Variants in LUZP2 observed in about 807,000 individuals in gnomAD.
LUZP2 encodes the protein leucine zipper protein 2.
LUZP2 carries 52 observed loss-of-function variants against 51.6 expected under a neutral mutation model. The observed-to-expected ratio is 1.01, with a 90% CI of 0.81 to 1.27. The LOEUF is 1.27. Ranked by LOEUF, LUZP2 falls within the 50% of genes most tolerant of loss-of-function variation. LUZP2 has a pLI of 0.00. For missense variants in LUZP2, 436 were observed against 395.4 expected (o/e 1.10, Z -0.87); for synonymous variants, 154 against 137.3 (o/e 1.12, Z -0.85).
chr11:24,817,169 T>C (rs1009538157), intron 5 of LUZP2, among the ~76,000 whole-genome samples: 6 of 152,008 alleles, frequency 3.9e-5, no homozygotes, highest in African/African-American at 1.4e-4. Flanking sequence ...AATAATAATA[T>C]ATCAATTGCA....
At chr11:24,531,715 A>C (rs1473532346) in intron 1 of LUZP2, among the ~76,000 whole-genome samples, 2 of 150,922 alleles carry the variant, frequency 1.3e-5, no homozygotes, top group Non-Finnish European at 3.0e-5. Context: ...TTTGTTTAAC[A>C]TACCACAAAT....
At chr11:25,071,733 G>A (rs542797875) in intron 10 of LUZP2, among the ~76,000 whole-genome samples, 4 of 151,530 alleles carry the variant, frequency 2.6e-5, no homozygotes, top group East Asian at 2.0e-4. Context: ...ACGAGTTAAC[G>A]GGTGCAGCAC....
intron 1 of LUZP2, among the ~76,000 whole-genome samples, chr11:24,677,005 A>T (rs1856579448): frequency 6.6e-6 from 1 of 152,154 alleles, no homozygotes; most frequent in Non-Finnish European, 1.5e-5. Flanking sequence ...TAATTCCACA[A>T]AAAATTCTAA....
At chr11:25,022,514 T>A (rs1857367686) in intron 9 of LUZP2, among the ~76,000 whole-genome samples, 1 of 152,126 alleles carries the variant, frequency 6.6e-6, no homozygotes, top group Non-Finnish European at 1.5e-5. Context: ...TCATTTGGGA[T>A]TTTGCAGACT....
At chr11:25,068,234 C>T (rs2404022) in intron 10 of LUZP2, among the ~76,000 whole-genome samples, 136,619 of 151,944 alleles carry the variant, frequency 0.9, 62,410 homozygotes, top group Non-Finnish European at 0.98. Context: ...TTTATGGGTG[C>T]AGCAAACCAC....
At chr11:24,827,807 G>A (rs1175947718) in intron 5 of LUZP2, among the ~76,000 whole-genome samples, 2 of 152,080 alleles carry the variant, frequency 1.3e-5, no homozygotes, top group Admixed American at 1.3e-4. Flanking sequence ...ACACTGGCCT[G>A]TGAACAACTC....
intron 5 of LUZP2, among the ~76,000 whole-genome samples, chr11:24,825,666 G>A (rs1207551908): frequency 6.6e-6 from 1 of 152,114 alleles, no homozygotes; most frequent in East Asian, 1.9e-4. Flanking sequence ...TGTCTTGGGT[G>A]AGGACTTTTT....
chr11:24,688,013 C>CTCTCTT (rs1856947887), intron 1 of LUZP2, among the ~76,000 whole-genome samples: 1 of 152,068 alleles, frequency 6.6e-6, no homozygotes, highest in African/African-American at 2.4e-5. Flanking sequence ...GGCTCTCTGT[C>CTCTCTT]TCTCTTTCTC....
intron 6 of LUZP2, among the ~76,000 whole-genome samples, chr11:24,908,582 T>C (rs889797734): frequency 2.6e-5 from 4 of 152,160 alleles, no homozygotes; most frequent in African/African-American, 9.7e-5. Flanking sequence ...TTGATAATTT[T>C]AGCTTTTCAA....
At chr11:24,887,264 A>G (rs1852698658) in intron 5 of LUZP2, among the ~76,000 whole-genome samples, 1 of 152,174 alleles carries the variant, frequency 6.6e-6, no homozygotes, top group African/African-American at 2.4e-5. Context: ...AAGCATAAAC[A>G]ATTCAAAAGG....
intron 5 of LUZP2, among the ~76,000 whole-genome samples, chr11:24,824,316 A>G (rs531127541): frequency 1.4e-5 from 2 of 140,276 alleles, no homozygotes; most frequent in Admixed American, 7.7e-5. Flanking sequence ...CGGTGAGCCA[A>G]GATTACACCA....
chr11:24,564,973 T>C (rs1032282576), intron 1 of LUZP2, among the ~76,000 whole-genome samples: 3 of 152,188 alleles, frequency 2.0e-5, no homozygotes, highest in Non-Finnish European at 4.4e-5. Context: ...AACCATCTAC[T>C]TTAGTGATCC....
At chr11:24,641,817 A>G (rs1460181691) in intron 1 of LUZP2, among the ~76,000 whole-genome samples, 1 of 151,960 alleles carries the variant, frequency 6.6e-6, no homozygotes, top group Non-Finnish European at 1.5e-5. Flanking sequence ...TGCAATTGTT[A>G]TCTGGGATAA....
Position 24,950,220 on chromosome 11 carries a change from CAAAT to C in LUZP2, c.523-26366_523-26363del, listed in dbSNP as rs148349322. Among the ~76,000 whole-genome samples the C allele has an allele frequency of 7.5e-3, 1,135 of 151,092 alleles. 14 individuals are homozygous for C. The highest frequency in any genetic ancestry group is 0.023 in the African/African-American group (946 of 41,292). The stretch of plus-strand genomic sequence containing the variant: ...GGAGCTAGATTGATGAATGGTGAGA[CAAAT>C]AAATGAATGGATGGATGAAGGAATA... On this transcript the variant is annotated intron_variant, in intron 7 of 11. Transcript: ENST00000336930.
At chr11:24,508,434 A>G (rs1850204187) in intron 1 of LUZP2, among the ~76,000 whole-genome samples, 1 of 152,202 alleles carries the variant, frequency 6.6e-6, no homozygotes, top group Non-Finnish European at 1.5e-5. Context: ...TAACTAAAAT[A>G]TTTATTTTGT....
At chr11:24,799,011 T>C (rs1849621625) in intron 5 of LUZP2, among the ~76,000 whole-genome samples, 2 of 152,150 alleles carry the variant, frequency 1.3e-5, no homozygotes, top group African/African-American at 4.8e-5. Context: ...TCAGTTTTAT[T>C]ATGGTAGTGG....
chr11:24,707,326 G>C (rs1053200135), intron 1 of LUZP2, among the ~76,000 whole-genome samples: 2 of 151,490 alleles, frequency 1.3e-5, no homozygotes, highest in East Asian at 3.9e-4. Flanking sequence ...GTGTGTGTGT[G>C]CATGTGTGTG....
At chr11:24,602,036 A>C (rs1162125478) in intron 1 of LUZP2, among the ~76,000 whole-genome samples, 1 of 143,738 alleles carries the variant, frequency 7.0e-6, no homozygotes, top group Non-Finnish European at 1.5e-5. Flanking sequence ...GTATATATGT[A>C]TATCTGTATA....
At chr11:24,728,547 A>G (rs1444351590) in intron 1 of LUZP2, among the ~76,000 whole-genome samples, 3 of 151,892 alleles carry the variant, frequency 2.0e-5, no homozygotes, top group African/African-American at 7.3e-5. Flanking sequence ...AAAATTTTCC[A>G]AAACATAAAT....
Sources: allele counts gnomAD v4.1 joint callset (sites outside exome capture counted in the v4.1 genomes callset), GRCh38; gene constraint gnomAD v4.1.1; transcripts MANE v1.5; gene names NCBI Gene and HGNC (gene_info 2026-07-23, HGNC 2026-07-21).